Variants in RIMS2 observed in about 807,000 individuals in gnomAD.
The protein encoded by RIMS2 is regulating synaptic membrane exocytosis 2.
In RIMS2, 59 loss-of-function variants were observed where a neutral mutation model predicts 174.4. The ratio of observed to expected loss-of-function variants is 0.34; its 90% CI spans 0.27 to 0.42. RIMS2 has a LOEUF of 0.42. Among genes scored for constraint, RIMS2 ranks in the 10% least tolerant of loss-of-function variants. The probability of loss-of-function intolerance (pLI) is 1.00; values close to 1 mark genes in which losing one functional copy is unlikely to be tolerated. For missense variants in RIMS2, 1,620 were observed against 1,666.3 expected, an observed-to-expected ratio of 0.97 and a Z score of 0.48; for synonymous variants, 606 against 572.5, an observed-to-expected ratio of 1.06 and a Z score of -0.84.
chr8:104,042,788 T>A (rs10108593), intron 19 of RIMS2, among the ~76,000 whole-genome samples: 38,328 of 151,380 alleles, frequency 0.25, 5,256 homozygotes, highest in African/African-American at 0.35. Context: ...TGGTCTGGAA[T>A]TCAGGAGAGA....
At position 104,093,595 on chromosome 8, in the gene RIMS2, G is replaced by A. The variant is rs1321186278; in HGVS notation, c.3334+78980G>A. The A allele has an allele frequency of 3.8e-6, 6 of 1,597,618 alleles. No homozygotes were observed. The East Asian group carries it at 1.1e-4, about 30-fold the overall frequency. On this transcript the variant is annotated intron_variant, in intron 19 of 23. Transcript: ENST00000504942. The stretch of plus-strand genomic sequence containing the variant: ...AGTGCTTCTCGTTTCAGCAGCACAA[G>A]CTACATGTCTGTCCAATCAGAACGC...
At chr8:103,606,450 T>C (rs995339500) in intron 1 of RIMS2, among the ~76,000 whole-genome samples, 1 of 152,044 alleles carries the variant, frequency 6.6e-6, no homozygotes, top group Non-Finnish European at 1.5e-5. Flanking sequence ...ATAAGTGTGG[T>C]GTGGTGCTGA....
intron 1 of RIMS2, among the ~76,000 whole-genome samples, chr8:103,665,114 C>T (rs145998267): frequency 1.3e-5 from 2 of 152,202 alleles, no homozygotes; most frequent in East Asian, 3.9e-4. Flanking sequence ...CATCACATAC[C>T]AGGGCCTGTC....
chr8:103,532,625 C>T (rs2469979), intron 1 of RIMS2, among the ~76,000 whole-genome samples: 33,432 of 152,136 alleles, frequency 0.22, 3,993 homozygotes, highest in South Asian at 0.34. Flanking sequence ...TGCTTTTGCA[C>T]TACACTGGCA....
At chr8:103,775,108 T>C (rs2098298478) in intron 3 of RIMS2, among the ~76,000 whole-genome samples, 1 of 152,098 alleles carries the variant, frequency 6.6e-6, no homozygotes, top group Non-Finnish European at 1.5e-5. Flanking sequence ...ATAGTGTACC[T>C]AACACCAAAT....
chr8:103,991,462 ATC>A (rs1322624594), intron 17 of RIMS2, among the ~76,000 whole-genome samples: 3 of 152,026 alleles, frequency 2.0e-5, no homozygotes, highest in East Asian at 1.9e-4. Context: ...CAAATTCTTA[ATC>A]TCTGTTTTAT....
At chr8:103,596,560 T>A (rs1010276483) in intron 1 of RIMS2, among the ~76,000 whole-genome samples, 4 of 152,102 alleles carry the variant, frequency 2.6e-5, no homozygotes, top group Non-Finnish European at 5.9e-5. Flanking sequence ...TTCTAGCTAT[T>A]TGAAACTATA....
chr8:103,913,061 C>T (rs1303537917), intron 6 of RIMS2, among the ~76,000 whole-genome samples: 1 of 150,254 alleles, frequency 6.7e-6, no homozygotes, highest in African/African-American at 2.4e-5. Context: ...CAACCTTCGC[C>T]TCTTGGATTC....
chr8:104,086,815 G>A (rs1281529271), intron 19 of RIMS2, among the ~76,000 whole-genome samples: 2 of 152,038 alleles, frequency 1.3e-5, no homozygotes, highest in Non-Finnish European at 2.9e-5. Flanking sequence ...CTTTAAATGA[G>A]ATCACAGGTC....
At chr8:103,786,021 G>T (rs1308710943) in intron 3 of RIMS2, among the ~76,000 whole-genome samples, 8 of 152,052 alleles carry the variant, frequency 5.3e-5, no homozygotes, top group Non-Finnish European at 4.4e-5. Context: ...GTCGAGGAAT[G>T]TATCCATTTC....
At chr8:103,609,729 A>T (rs1223365964) in intron 1 of RIMS2, among the ~76,000 whole-genome samples, 4 of 152,162 alleles carry the variant, frequency 2.6e-5, no homozygotes, top group Admixed American at 6.5e-5. Context: ...CTGTTTGATT[A>T]TGGTAGCCTT....
intron 3 of RIMS2, among the ~76,000 whole-genome samples, chr8:103,822,869 A>T (rs1487282426): frequency 2.0e-5 from 3 of 151,982 alleles, no homozygotes; most frequent in African/African-American, 7.2e-5. Context: ...TTAGTAAAAA[A>T]ATCAAGTACT....
In RIMS2 at chr8:104,068,792, A is replaced by G. The variant is rs149276011; in HGVS notation, c.3334+54177A>G. 7.9e-5 allele frequency among the ~76,000 whole-genome samples: 12 copies of G among 152,342 alleles called. No homozygotes were observed. In the East Asian group the frequency reaches 2.3e-3, roughly 29 times the overall value. The stretch of plus-strand genomic sequence containing the variant: ...CGCTCTTAGCAATAGAATTTGCCTT[A>G]CTTAAAAAAACTATTATAAAATACA... On this transcript the variant is annotated intron_variant, in intron 19 of 23. Transcript: ENST00000504942.
At chr8:103,702,881 C>G (rs535633278) in intron 2 of RIMS2, among the ~76,000 whole-genome samples, 6 of 116,506 alleles carry the variant, frequency 5.1e-5, no homozygotes, top group Admixed American at 2.9e-4. Flanking sequence ...TGTATTTTGG[C>G]TAAGAATTGC....
intron 2 of RIMS2, among the ~76,000 whole-genome samples, chr8:103,705,036 ATTATTTGGTTG>A (rs1443769040): frequency 6.6e-6 from 1 of 151,460 alleles, no homozygotes; most frequent in African/African-American, 2.4e-5. Flanking sequence ...TTTAACATGC[ATTATTTGGTTG>A]TTTATTTGAA....
chr8:104,099,983 A>G (rs1002225198), intron 19 of RIMS2, among the ~76,000 whole-genome samples: 2 of 151,440 alleles, frequency 1.3e-5, no homozygotes, highest in African/African-American at 4.9e-5. Context: ...ACACCCAGCT[A>G]ATTTTTTAAA....
At chr8:103,831,330 C>G (rs2098824587) in intron 3 of RIMS2, among the ~76,000 whole-genome samples, 1 of 152,082 alleles carries the variant, frequency 6.6e-6, no homozygotes, top group Admixed American at 6.6e-5. Flanking sequence ...GGTGAGAAGC[C>G]TCATCTTTGA....
intron 1 of RIMS2, among the ~76,000 whole-genome samples, chr8:103,563,496 G>C (rs2091919811): frequency 6.6e-6 from 1 of 152,126 alleles, no homozygotes. Context: ...ACTTCAGCCT[G>C]GATTTCATTG....
chr8:103,911,257 A>G (rs1417821951), intron 5 of RIMS2, among the ~76,000 whole-genome samples: 4 of 152,200 alleles, frequency 2.6e-5, no homozygotes, highest in Non-Finnish European at 4.4e-5. Context: ...TTAGAATATC[A>G]TTCATAACAG....
Sources: allele counts gnomAD v4.1 joint callset (sites outside exome capture counted in the v4.1 genomes callset), GRCh38; gene constraint gnomAD v4.1.1; transcripts MANE v1.5; gene names NCBI Gene and HGNC (gene_info 2026-07-23, HGNC 2026-07-21).